STX17: variants seen among roughly 807,000 people sequenced by gnomAD.
The protein encoded by STX17 is syntaxin-17.
STX17 carries 29 observed loss-of-function variants against 35.9 expected under a neutral mutation model. That is an observed-to-expected ratio of 0.81 (90% CI 0.60 to 1.10). The LOEUF is 1.10. STX17 is among the 50% of genes least tolerant of loss of function. The probability of loss-of-function intolerance (pLI) is 0.00; values close to 1 mark genes in which losing one functional copy is unlikely to be tolerated. For missense variants in STX17, 312 were observed against 352.3 expected (o/e 0.89, Z 0.92); for synonymous variants, 92 against 118.3 (o/e 0.78, Z 1.44).
At chr9:99,916,015 G>A (rs1828762089) in intron 2 of STX17, 1 of 455,412 alleles carries the variant, frequency 2.2e-6, no homozygotes, top group Non-Finnish European at 4.4e-6. Context: ...TGAACTTTGA[G>A]TGTGTGTCTT....
At chr9:99,945,552 C>G (rs1829464569) in intron 3 of STX17, among the ~76,000 whole-genome samples, 1 of 149,784 alleles carries the variant, frequency 6.7e-6, no homozygotes, top group African/African-American at 2.4e-5. Context: ...TATCCTGTAA[C>G]TGGAATATTT....
rs1034555909 is a variant in STX17, at chr9:99,950,324, A to G, written c.190-736A>G. 4.6e-5 allele frequency among the ~76,000 whole-genome samples: 7 copies of G among 152,064 alleles called. No individual in the cohort carries two copies. The East Asian group carries it at 1.2e-3, about 25-fold the overall frequency. ...ACTGCTTTTTGGGAAAAAAACAACAATAGCTTCTGAAATAAAAATGCACAT... is the reference window on the plus strand; with the variant it reads ...ACTGCTTTTTGGGAAAAAAACAACAGTAGCTTCTGAAATAAAAATGCACAT... On this transcript the variant is annotated intron_variant, in intron 3 of 7. Coordinates refer to ENST00000259400, the MANE Select transcript of STX17 (RefSeq NM_017919.3).
At chr9:99,955,634 AAG>A (rs768490284) in intron 4 of STX17, among the ~76,000 whole-genome samples, 1 of 152,108 alleles carries the variant, frequency 6.6e-6, no homozygotes, top group Non-Finnish European at 1.5e-5. Flanking sequence ...AGTATGGAGA[AAG>A]AGGGAGAGAG....
chr9:99,940,634 A>G (rs1191807749), intron 3 of STX17, among the ~76,000 whole-genome samples: 1 of 151,458 alleles, frequency 6.6e-6, no homozygotes, highest in Non-Finnish European at 1.5e-5. Flanking sequence ...GCACACCACC[A>G]TGCCCAGCTA....
At chr9:99,967,778 G>A (rs1431817616) in intron 7 of STX17, 39 bp downstream of exon 7, 1 of 1,575,248 alleles carries the variant, frequency 6.3e-7, no homozygotes, top group Non-Finnish European at 8.7e-7. Context: ...ATGGTACTCT[G>A]GCTCCCAGGA....
intron 3 of STX17, chr9:99,938,189 G>A (rs1029137136): frequency 2.6e-5 from 4 of 152,044 alleles, no homozygotes; most frequent in African/African-American, 7.3e-5. Flanking sequence ...CTGGTATTTA[G>A]TGACCTCTAA....
chr9:99,922,599 T>C (rs569096006), intron 2 of STX17, among the ~76,000 whole-genome samples: 1 of 152,336 alleles, frequency 6.6e-6, no homozygotes, highest in East Asian at 1.9e-4. Flanking sequence ...GTCCCACATG[T>C]GTAGTCCTAA....
At chr9:99,925,699 G>A (rs1225354585) in intron 2 of STX17, among the ~76,000 whole-genome samples, 1 of 152,008 alleles carries the variant, frequency 6.6e-6, no homozygotes, top group African/African-American at 2.4e-5. Flanking sequence ...GGCTTGGATT[G>A]TTTCTCACAA....
intron 2 of STX17, chr9:99,916,215 T>C (rs1828766646): frequency 2.7e-6 from 1 of 375,438 alleles, no homozygotes; most frequent in South Asian, 2.0e-5. Flanking sequence ...AGAGGTTGCA[T>C]AGAACCTACC....
chr9:99,954,750 C>T (rs1829674025), intron 4 of STX17, among the ~76,000 whole-genome samples: 1 of 152,036 alleles, frequency 6.6e-6, no homozygotes, highest in Admixed American at 6.6e-5. Context: ...TGGTTGGAAA[C>T]ATCAGCAGAG....
At position 99,974,408 on chromosome 9, in the gene STX17, G is replaced by A. The variant is rs564881386; in HGVS notation, c.*5735G>A. ...ACTTGGTGTTAGCAAGGGTCAGCAC[G>A]AGAAAAGGCCCAATGGCAAGAATTT... On this transcript the variant is annotated 3_prime_UTR_variant, in exon 8 of 8. Transcript: ENST00000259400. 6.6e-6 allele frequency among the ~76,000 whole-genome samples: 1 copy of A among 152,308 alleles called. No homozygotes were observed. Among genetic ancestry groups the A allele is most frequent in the South Asian group, 2.1e-4 (1 of 4,824 alleles).
intron 2 of STX17, among the ~76,000 whole-genome samples, chr9:99,921,148 T>G (rs953002405): frequency 6.6e-6 from 1 of 152,192 alleles, no homozygotes; most frequent in Non-Finnish European, 1.5e-5. Context: ...ATCCCTATGT[T>G]AGTAAATGTG....
intron 4 of STX17, among the ~76,000 whole-genome samples, chr9:99,952,149 G>A (rs1025178224): frequency 8.6e-5 from 13 of 151,852 alleles, no homozygotes; most frequent in Non-Finnish European, 1.8e-4. Flanking sequence ...TAATCCTTAC[G>A]GAAAAGGTGG....
chr9:99,973,521 A>T lies in STX17; in HGVS notation c.*4848A>T, dbSNP rs1331862267. On this transcript the variant is annotated 3_prime_UTR_variant, in exon 8 of 8. Transcript: ENST00000259400. Reference sequence around the variant, plus strand: ...AAATCAGGGGCAGCTCTCTTCTCCCATCCCAGCCATGAATCTTTCAACCTT... The same window carrying T: ...AAATCAGGGGCAGCTCTCTTCTCCCTTCCCAGCCATGAATCTTTCAACCTT... Among the ~76,000 whole-genome samples the T allele has an allele frequency of 6.6e-6, 1 of 152,172 alleles. No homozygotes were observed. Among genetic ancestry groups the T allele is most frequent in the Non-Finnish European group, 1.5e-5 (1 of 68,022 alleles).
intron 2 of STX17, among the ~76,000 whole-genome samples, chr9:99,925,390 A>C (rs1828967985): frequency 6.6e-6 from 1 of 152,052 alleles, no homozygotes; most frequent in Non-Finnish European, 1.5e-5. Flanking sequence ...AGAGATTGTA[A>C]AAATAAGGAA....
chr9:99,909,468 G>A (rs1828617059), intron 1 of STX17, among the ~76,000 whole-genome samples: 1 of 152,208 alleles, frequency 6.6e-6, no homozygotes, highest in Non-Finnish European at 1.5e-5. Flanking sequence ...AATGATGGTA[G>A]ATATAAAGAT....
intron 2 of STX17, among the ~76,000 whole-genome samples, chr9:99,925,582 A>G (rs1368607926): frequency 6.6e-6 from 1 of 152,064 alleles, no homozygotes; most frequent in East Asian, 1.9e-4. Context: ...GTTTAAAAAT[A>G]TCTTTATTTT....
At chr9:99,950,038 T>A (rs1015081933) in intron 3 of STX17, among the ~76,000 whole-genome samples, 24 of 151,890 alleles carry the variant, frequency 1.6e-4, no homozygotes, top group African/African-American at 5.5e-4. Context: ...TTATATATAT[T>A]GACTAGAAAG....
At chr9:99,945,994 A>G (rs936181908) in intron 3 of STX17, 9 of 157,098 alleles carry the variant, frequency 5.7e-5, no homozygotes, top group African/African-American at 2.2e-4. Flanking sequence ...GAGGCAGGCG[A>G]ATCGCTTAAA....
Sources: gnomAD v4.1 joint callset for allele counts (sites outside exome capture counted in the v4.1 genomes callset) on GRCh38, gnomAD v4.1.1 for gene constraint, MANE v1.5 for transcripts, NCBI Gene and HGNC (gene_info 2026-07-23, HGNC 2026-07-21) for gene names.